ADAMTS18: variants seen among roughly 807,000 people sequenced by gnomAD.
ADAMTS18 encodes A disintegrin and metalloproteinase with thrombospondin motifs 18.
Under a neutral mutation model 165.9 loss-of-function variants are expected in ADAMTS18, and 157 were observed. The ratio of observed to expected loss-of-function variants is 0.95; its 90% CI spans 0.83 to 1.08. The LOEUF (loss-of-function observed/expected upper bound fraction) is 1.08, where lower values mean the gene tolerates loss of function less well. Among genes scored for constraint, ADAMTS18 ranks in the 50% least tolerant of loss-of-function variants. ADAMTS18 has a pLI of 0.00. For missense variants in ADAMTS18, 2,040 were observed against 1,534.0 expected (o/e 1.33, Z -5.51); for synonymous variants, 782 against 578.2 (o/e 1.35, Z -5.06).
rs573614560 is a variant in ADAMTS18, at chr16:77,433,760, G to A, written c.178+658C>T. On this transcript the variant is annotated intron_variant, in intron 2 of 22. Coordinates refer to ENST00000282849, the MANE Select transcript of ADAMTS18 (RefSeq NM_199355.4). ...AATCAGCTGTTCTCCTGTAGCTGAT[G>A]GGAAACAATCAAAACAAGGATTTCC... Among the ~76,000 whole-genome samples the A allele has an allele frequency of 3.3e-5, 5 of 152,280 alleles. No individual in the cohort carries two copies. In the South Asian group the frequency reaches 1.0e-3, roughly 32 times the overall value.
chr16:77,390,376 A>T (rs931325231), intron 3 of ADAMTS18, among the ~76,000 whole-genome samples: 15 of 151,688 alleles, frequency 9.9e-5, no homozygotes, highest in African/African-American at 3.4e-4. Context: ...CATTGGTCTC[A>T]CTTTTTATCA....
In ADAMTS18 at chr16:77,395,258, G is replaced by C. The variant is rs2057241545; in HGVS notation, c.496-27535C>G. On this transcript the variant is annotated intron_variant, in intron 3 of 22. Coordinates refer to ENST00000282849, the MANE Select transcript of ADAMTS18 (RefSeq NM_199355.4). ...GGAAGGTGGGTAGGGAGCGTTTGTA[G>C]GGGAGGCCAAAGTTCTCTGGAAAAC... 2.0e-5 allele frequency among the ~76,000 whole-genome samples: 3 copies of C among 152,278 alleles called. No homozygotes were observed. The Middle Eastern group carries it at 0.01, about 518-fold the overall frequency.
At chr16:77,396,866 G>A (rs1462653643) in intron 3 of ADAMTS18, among the ~76,000 whole-genome samples, 1 of 151,446 alleles carries the variant, frequency 6.6e-6, no homozygotes, top group African/African-American at 2.4e-5. Flanking sequence ...CAGTGCAGTG[G>A]CACAATCTTG....
At chr16:77,323,598 T>C (rs996119644) in intron 13 of ADAMTS18, among the ~76,000 whole-genome samples, 2 of 151,892 alleles carry the variant, frequency 1.3e-5, no homozygotes, top group African/African-American at 2.4e-5. Context: ...TGGGTGAGTT[T>C]ATGAGTCCAT....
At chr16:77,346,441 T>G (rs1044169114) in intron 10 of ADAMTS18, among the ~76,000 whole-genome samples, 1 of 152,066 alleles carries the variant, frequency 6.6e-6, no homozygotes, top group Non-Finnish European at 1.5e-5. Context: ...TAATAAAGAC[T>G]CTGGAATTTT....
At chr16:77,410,028 T>C (rs1264393100) in intron 3 of ADAMTS18, among the ~76,000 whole-genome samples, 1 of 152,118 alleles carries the variant, frequency 6.6e-6, no homozygotes. Flanking sequence ...TATTAAATTT[T>C]GATGCTCTAT....
Position 77,408,135 on chromosome 16 carries a change from G to C in ADAMTS18, c.495+23160C>G, listed in dbSNP as rs1347809112. Among the ~76,000 whole-genome samples, 6 of 152,068 alleles carry C rather than the reference G, an allele frequency of 3.9e-5. 1 individual carries two copies. The South Asian group carries it at 1.2e-3, about 32-fold the overall frequency. Reference sequence around the variant, plus strand: ...ATTTGCTCAACTTCTTTAGTCATCAGAGAGACACAGATTTACTATATGATA... The same window carrying C: ...ATTTGCTCAACTTCTTTAGTCATCACAGAGACACAGATTTACTATATGATA... On this transcript the variant is annotated intron_variant, in intron 3 of 22. Coordinates refer to ENST00000282849, the MANE Select transcript of ADAMTS18 (RefSeq NM_199355.4).
At chr16:77,419,862 T>A (rs943529239) in intron 3 of ADAMTS18, among the ~76,000 whole-genome samples, 1 of 151,740 alleles carries the variant, frequency 6.6e-6, no homozygotes, top group South Asian at 2.1e-4. Context: ...TAGCTGGGTA[T>A]GGTAGTGGCG....
chr16:77,376,999 G>C (rs2434893), intron 3 of ADAMTS18, among the ~76,000 whole-genome samples: 3 of 151,820 alleles, frequency 2.0e-5, no homozygotes, highest in Admixed American at 1.3e-4. Context: ...ATTTTTAGTA[G>C]AGATGAGGTT....
At chr16:77,356,628 ATT>A (rs60742096) in intron 8 of ADAMTS18, among the ~76,000 whole-genome samples, 2 of 151,894 alleles carry the variant, frequency 1.3e-5, no homozygotes, top group East Asian at 1.9e-4. Flanking sequence ...TATAATAAAC[ATT>A]TTTTTAACAT....
chr16:77,320,920 C>G (rs745756921), intron 15 of ADAMTS18, among the ~76,000 whole-genome samples, 159 bp downstream of exon 15: 5 of 152,194 alleles, frequency 3.3e-5, no homozygotes, highest in Admixed American at 6.5e-5. Flanking sequence ...CGAAATTCCT[C>G]ACAACTATCT....
At chr16:77,408,615 A>G (rs368533561) in intron 3 of ADAMTS18, among the ~76,000 whole-genome samples, 2 of 152,196 alleles carry the variant, frequency 1.3e-5, no homozygotes, top group South Asian at 2.1e-4. Flanking sequence ...AGAGCACTCT[A>G]TTGATTGCAT....
At chr16:77,327,641 C>T (rs1428848) in intron 12 of ADAMTS18, among the ~76,000 whole-genome samples, 64,445 of 152,042 alleles carry the variant, frequency 0.42, 13,945 homozygotes, top group East Asian at 0.64. Flanking sequence ...AGGGATATTC[C>T]TGACCCTCAT....
chr16:77,315,905 A>G (rs575376113), intron 16 of ADAMTS18, among the ~76,000 whole-genome samples: 1 of 152,300 alleles, frequency 6.6e-6, no homozygotes, highest in East Asian at 1.9e-4. Context: ...TCTAAGGTAC[A>G]TTGCAAATAT....
chr16:77,337,137 T>A (rs2056322860), intron 11 of ADAMTS18, among the ~76,000 whole-genome samples: 1 of 152,228 alleles, frequency 6.6e-6, no homozygotes, highest in Non-Finnish European at 1.5e-5. Context: ...ATTTTTCTTT[T>A]CCCTGGATTA....
At chr16:77,382,799 A>T (rs1477775698) in intron 3 of ADAMTS18, among the ~76,000 whole-genome samples, 1 of 152,242 alleles carries the variant, frequency 6.6e-6, no homozygotes. Flanking sequence ...TGAAGTTCAC[A>T]TGGGAACATG....
At chr16:77,424,543 C>T (rs561654777) in intron 3 of ADAMTS18, among the ~76,000 whole-genome samples, 1 of 151,404 alleles carries the variant, frequency 6.6e-6, no homozygotes, top group South Asian at 2.1e-4. Flanking sequence ...ACCCCTCAAA[C>T]TGGCCTTAGT....
chr16:77,367,831 C>G (rs943552481), intron 3 of ADAMTS18, 108 bp from the exon 4 acceptor site: 2 of 1,267,976 alleles, frequency 1.6e-6, no homozygotes, highest in Admixed American at 1.7e-5. Flanking sequence ...GGCACAGGAG[C>G]TAAAAGCTTC....
chr16:77,328,828 A>C (rs1379909899), intron 12 of ADAMTS18, among the ~76,000 whole-genome samples: 4 of 152,222 alleles, frequency 2.6e-5, no homozygotes, highest in Non-Finnish European at 5.9e-5. Flanking sequence ...GGAAAAGACC[A>C]CCAAATTCAT....
Sources: gnomAD v4.1 joint callset for allele counts (sites outside exome capture counted in the v4.1 genomes callset) on GRCh38, gnomAD v4.1.1 for gene constraint, MANE v1.5 for transcripts, NCBI Gene and HGNC (gene_info 2026-07-23, HGNC 2026-07-21) for gene names.